Variants in EIF5B observed in about 807,000 individuals in gnomAD.
EIF5B encodes the protein eIF-5B.
A neutral mutation model predicts 147.5 loss-of-function variants in EIF5B; 47 were observed. The ratio of observed to expected loss-of-function variants is 0.32; its 90% CI spans 0.25 to 0.41. The LOEUF is 0.41. Among genes scored for constraint, EIF5B ranks in the 10% least tolerant of loss-of-function variants. The pLI is 1.00. For synonymous variants in EIF5B, 455 were observed against 456.2 expected (o/e 1.00, Z 0.03); for missense variants, 1,064 against 1,413.2 (o/e 0.75, Z 3.96).
At chr2:99,374,672 A>T (rs965903931) in intron 9 of EIF5B, among the ~76,000 whole-genome samples, 1 of 152,232 alleles carries the variant, frequency 6.6e-6, no homozygotes, top group Non-Finnish European at 1.5e-5. Flanking sequence ...TTGAGAAGTC[A>T]GGTATCAGCC....
intron 1 of EIF5B, among the ~76,000 whole-genome samples, chr2:99,354,599 A>G (rs1475365283): frequency 6.6e-6 from 1 of 152,046 alleles, no homozygotes; most frequent in East Asian, 1.9e-4. Flanking sequence ...CTAGATCTGA[A>G]AGATATTTTA....
chr2:99,338,987 TACAC>T (rs1186834419), intron 1 of EIF5B, among the ~76,000 whole-genome samples: 1 of 62,684 alleles, frequency 1.6e-5, no homozygotes, highest in Non-Finnish European at 4.3e-5. Context: ...TACAAATATA[TACAC>T]AAATATATAT....
intron 5 of EIF5B, 151 bp from the exon 6 acceptor site, chr2:99,364,120 T>A: frequency 8.7e-7 from 1 of 1,146,648 alleles, no homozygotes; most frequent in East Asian, 2.4e-5. Flanking sequence ...AATAATCATG[T>A]ATAACATTTA....
Position 99,398,844 on chromosome 2 carries a change from A to G in EIF5B, c.3490A>G (p.Ile1164Val). 6.2e-7 allele frequency: 1 copy of G among 1,614,186 alleles called. No homozygotes were observed. Among genetic ancestry groups the G allele is most frequent in the Non-Finnish European group, 8.5e-7 (1 of 1,180,022 alleles). Residue 1164 changes from isoleucine (I) to valine (V), a missense_variant, in exon 23 of 24, where the codon ATC becomes GTC. This residue lies in a region of EIF5B where 380 missense variants were observed against 715.6 expected (regional missense o/e 0.53). Transcript: ENST00000289371. ...GQEVCVKIEP[I>V]PGESPKMFGR... ...AGAAGTTTGTGTAAAAATAGAACCT[A>G]TCCCTGGTGAGTCACCCAAAATGTT...
chr2:99,379,310 T>C lies in EIF5B; in HGVS notation c.1951-8T>C, dbSNP rs747731242. 147 of 1,603,590 alleles carry C rather than the reference T, an allele frequency of 9.2e-5. No individual in the cohort carries two copies. The highest frequency in any genetic ancestry group is 1.2e-4 in the Non-Finnish European group (141 of 1,175,086). On this transcript the variant is annotated splice_region_variant and splice_polypyrimidine_tract_variant and intron_variant, in intron 11 of 23. Transcript: ENST00000289371. ...AAATACCAATCTGTATTTGCTGTCT[T>C]CTCATAGCTCCGTCACACACATGTA...
In EIF5B at chr2:99,362,597, G is replaced by A. The variant is rs868068776; in HGVS notation, c.919+777G>A. ...GCCTGTAGTCCCAGCTACTCGGGAG[G>A]CTGAGGCAGGAGAATGGCGTGAACC... On this transcript the variant is annotated intron_variant, in intron 4 of 23. Transcript: ENST00000289371. 1.1e-4 allele frequency among the ~76,000 whole-genome samples: 16 copies of A among 152,142 alleles called. 1 individual carries two copies. In the South Asian group the frequency reaches 3.3e-3, roughly 32 times the overall value.
intron 1 of EIF5B, among the ~76,000 whole-genome samples, chr2:99,352,654 A>AT (rs1166060563): frequency 1.5e-5 from 2 of 131,926 alleles, no homozygotes; most frequent in South Asian, 2.4e-4. Flanking sequence ...TTTTTTTTCT[A>AT]TTTTTTAGTA....
chr2:99,361,102 T>C (rs1674202261), intron 3 of EIF5B, 46 bp from the exon 4 acceptor site: 1 of 1,436,004 alleles, frequency 7.0e-7, no homozygotes. Context: ...GACTCTGGTC[T>C]CAATTATAAT....
chr2:99,393,930 T>G (rs1289539794), intron 18 of EIF5B, among the ~76,000 whole-genome samples: 2 of 152,234 alleles, frequency 1.3e-5, no homozygotes, highest in Non-Finnish European at 2.9e-5. Context: ...TCATAACACA[T>G]TACGTTTATG....
At chr2:99,340,390 T>C (rs2094256960) in intron 1 of EIF5B, among the ~76,000 whole-genome samples, 1 of 152,226 alleles carries the variant, frequency 6.6e-6, no homozygotes, top group Non-Finnish European at 1.5e-5. Context: ...TTTATTCTCC[T>C]GGGTGAAGGT....
intron 9 of EIF5B, among the ~76,000 whole-genome samples, chr2:99,372,031 GTTAAC>G (rs1163350108): frequency 6.6e-6 from 1 of 152,156 alleles, no homozygotes; most frequent in Non-Finnish European, 1.5e-5. Context: ...AAAAAGCACT[GTTAAC>G]TTAAAAGGTA....
At chr2:99,353,297 G>T in intron 1 of EIF5B, among the ~76,000 whole-genome samples, 1 of 152,062 alleles carries the variant, frequency 6.6e-6, no homozygotes, top group South Asian at 2.1e-4. Flanking sequence ...ACAGGCGTGA[G>T]CCCCCGCGTC....
At chr2:99,371,614 C>G in intron 8 of EIF5B, 42 bp from the exon 9 acceptor site, 1 of 1,558,738 alleles carries the variant, frequency 6.4e-7, no homozygotes, top group Non-Finnish European at 8.7e-7. Context: ...CTTCATATTT[C>G]TAAATAATTT....
Position 99,363,798 on chromosome 2 carries a change from A to G in EIF5B, c.1073A>G (p.Gln358Arg). The stretch of plus-strand genomic sequence containing the variant: ...AAGCTTAAAGAGGAAGAAGAAAGAC[A>G]GAAGAGAGAAGAGGAAGAACGTATA... Reference protein sequence around the residue: ...LAKLKEEEERQKREEEERIKR... With the variant: ...LAKLKEEEERRKREEEERIKR... Residue 358 changes from glutamine to arginine, a missense_variant, in exon 5 of 24, where the codon CAG (glutamine) becomes CGG (arginine). This residue lies in a region of EIF5B where 458 missense variants were observed against 451.3 expected (regional missense o/e 1.01). Transcript: ENST00000289371. 1 of 1,614,074 alleles carries G rather than the reference A, an allele frequency of 6.2e-7. No homozygotes were observed. Among genetic ancestry groups the G allele is most frequent in the Non-Finnish European group, 8.5e-7 (1 of 1,180,004 alleles).
In EIF5B at chr2:99,400,908, T is replaced by C. The variant is rs1055666712; in HGVS notation, c.*1494T>C. On this transcript the variant is annotated 3_prime_UTR_variant, in exon 24 of 24. Transcript: ENST00000289371. ...AATAAACAGTAGTTGCTTCCTAGAG[T>C]TGAGTTTTTAAGGATTCACAAAAAG... The C allele has an allele frequency of 2.4e-5, 4 of 163,452 alleles. No individual in the cohort carries two copies. Among genetic ancestry groups the C allele is most frequent in the African/African-American group, 9.6e-5 (4 of 41,656 alleles). 10.1% of individuals were successfully genotyped at this position (163,452 alleles called of 1,614,324 possible). A position where few individuals can be genotyped will look rare whatever the true frequency, so the allele number is the denominator to read the frequency against.
At chr2:99,371,810 T>C in intron 9 of EIF5B, 80 bp downstream of exon 9, 2 of 1,327,078 alleles carry the variant, frequency 1.5e-6, no homozygotes, top group Non-Finnish European at 2.0e-6. Flanking sequence ...AATAGTCTTT[T>C]GATTATGAAA....
chr2:99,369,555 GTTA>G, intron 8 of EIF5B, 74 bp downstream of exon 8: 2 of 1,267,510 alleles, frequency 1.6e-6, no homozygotes, highest in East Asian at 2.6e-5. Flanking sequence ...AGTTGTCTTA[GTTA>G]TTATAAATAA....
intron 1 of EIF5B, among the ~76,000 whole-genome samples, chr2:99,351,285 A>G (rs1406838921): frequency 6.6e-6 from 1 of 152,202 alleles, no homozygotes; most frequent in African/African-American, 2.4e-5. Context: ...TAGCATTAGT[A>G]CTTCCCTTTT....
At chr2:99,344,294 AG>A (rs1340231813) in intron 1 of EIF5B, among the ~76,000 whole-genome samples, 1 of 152,130 alleles carries the variant, frequency 6.6e-6, no homozygotes, top group African/African-American at 2.4e-5. Context: ...CCCTATTGAA[AG>A]GTTCTGGCAC....
Sources: allele counts gnomAD v4.1 joint callset (sites outside exome capture counted in the v4.1 genomes callset), GRCh38; gene constraint gnomAD v4.1.1; regional missense constraint gnomAD v4.1.1; transcripts MANE v1.5; gene names NCBI Gene and HGNC (gene_info 2026-07-23, HGNC 2026-07-21).